Variants in PPP3CA observed in about 807,000 individuals in gnomAD.
The protein encoded by PPP3CA is protein phosphatase 3 catalytic subunit alpha.
A neutral mutation model predicts 66.5 loss-of-function variants in PPP3CA; 14 were observed. That is an observed-to-expected ratio of 0.21 (90% CI 0.14 to 0.33). The LOEUF is 0.33. Ranked by LOEUF, PPP3CA falls within the 10% of genes least tolerant of loss-of-function variation. The pLI is 1.00. For synonymous variants in PPP3CA, 232 were observed against 226.2 expected (o/e 1.03, Z -0.23); for missense variants, 317 against 639.5 (o/e 0.50, Z 5.44).
chr4:101,272,204 C>T (rs1258993251), intron 1 of PPP3CA, among the ~76,000 whole-genome samples: 1 of 152,172 alleles, frequency 6.6e-6, no homozygotes, highest in African/African-American at 2.4e-5. Flanking sequence ...CTACATACCA[C>T]TTATTGAATG....
intron 1 of PPP3CA, among the ~76,000 whole-genome samples, chr4:101,213,942 T>C (rs1234778592): frequency 6.6e-6 from 1 of 152,112 alleles, no homozygotes; most frequent in African/African-American, 2.4e-5. Context: ...AATAAAATCT[T>C]TGGTTTTTGA....
chr4:101,190,537 C>G (rs114157735), intron 2 of PPP3CA, among the ~76,000 whole-genome samples: 290 of 152,266 alleles, frequency 1.9e-3, no homozygotes, highest in East Asian at 0.014. Flanking sequence ...CTGATTCGTA[C>G]ACACAAATAC....
chr4:101,244,087 T>C (rs1264112337), intron 1 of PPP3CA, among the ~76,000 whole-genome samples: 3 of 152,214 alleles, frequency 2.0e-5, no homozygotes, highest in Non-Finnish European at 4.4e-5. Flanking sequence ...GGAAAGATCA[T>C]ATCTTCCAAA....
intron 5 of PPP3CA, among the ~76,000 whole-genome samples, chr4:101,094,403 T>A (rs187504525): frequency 1.3e-5 from 2 of 152,238 alleles, no homozygotes; most frequent in Non-Finnish European, 2.9e-5. Flanking sequence ...CTAGTTTTCA[T>A]GCTTATGTTA....
At chr4:101,304,564 T>C (rs774503231) in intron 1 of PPP3CA, among the ~76,000 whole-genome samples, 3 of 152,242 alleles carry the variant, frequency 2.0e-5, no homozygotes, top group Non-Finnish European at 2.9e-5. Context: ...ATCTGAATGT[T>C]ATGTAAAGTG....
At chr4:101,245,088 A>G (rs949977461) in intron 1 of PPP3CA, among the ~76,000 whole-genome samples, 1 of 152,184 alleles carries the variant, frequency 6.6e-6, no homozygotes, top group African/African-American at 2.4e-5. Flanking sequence ...TAGTCCGAAT[A>G]GATTTTTTTT....
intron 1 of PPP3CA, among the ~76,000 whole-genome samples, chr4:101,304,823 G>A (rs1728484694): frequency 6.6e-6 from 1 of 152,108 alleles, no homozygotes; most frequent in Non-Finnish European, 1.5e-5. Flanking sequence ...TCTTAAAGAA[G>A]AAAACAAATT....
chr4:101,247,556 G>A (rs1408101369), intron 1 of PPP3CA, among the ~76,000 whole-genome samples: 3 of 152,024 alleles, frequency 2.0e-5, no homozygotes, highest in Non-Finnish European at 1.5e-5. Context: ...CACAGTATGA[G>A]CATCATTTCT....
intron 1 of PPP3CA, among the ~76,000 whole-genome samples, chr4:101,213,944 G>GT (rs1725381676): frequency 6.6e-6 from 1 of 152,050 alleles, no homozygotes; most frequent in African/African-American, 2.4e-5. Context: ...TAAAATCTTT[G>GT]GTTTTTGACA....
At chr4:101,125,946 T>C (rs185635620) in intron 2 of PPP3CA, among the ~76,000 whole-genome samples, 3 of 152,354 alleles carry the variant, frequency 2.0e-5, no homozygotes, top group African/African-American at 7.2e-5. Flanking sequence ...GGAACTTGCT[T>C]TCTTTTCATG....
chr4:101,253,189 G>A (rs1278019299), intron 1 of PPP3CA, among the ~76,000 whole-genome samples: 1 of 152,190 alleles, frequency 6.6e-6, no homozygotes. Flanking sequence ...AGTTATTCAT[G>A]TTTAAATACA....
At chr4:101,173,216 G>A (rs1723940952) in intron 2 of PPP3CA, among the ~76,000 whole-genome samples, 1 of 152,102 alleles carries the variant, frequency 6.6e-6, no homozygotes, top group Non-Finnish European at 1.5e-5. Context: ...GAGGGGGTGA[G>A]GGGTGTAAGT....
intron 2 of PPP3CA, among the ~76,000 whole-genome samples, chr4:101,113,377 C>T (rs868788100): frequency 1.3e-5 from 2 of 152,154 alleles, no homozygotes; most frequent in Non-Finnish European, 2.9e-5. Flanking sequence ...ATTCTGTGTA[C>T]TAGTATGGTC....
intron 1 of PPP3CA, among the ~76,000 whole-genome samples, chr4:101,281,732 C>G (rs1727691152): frequency 6.6e-6 from 1 of 152,158 alleles, no homozygotes; most frequent in South Asian, 2.1e-4. Context: ...AGTGGTTAAA[C>G]AGCATTCAAC....
chr4:101,189,358 C>T (rs1224883735), intron 2 of PPP3CA, among the ~76,000 whole-genome samples: 2 of 151,968 alleles, frequency 1.3e-5, no homozygotes, highest in African/African-American at 4.8e-5. Context: ...AGATGTTCAA[C>T]ATTTAGTAGG....
intron 4 of PPP3CA, among the ~76,000 whole-genome samples, chr4:101,099,016 G>T (rs1414158008): frequency 6.6e-6 from 1 of 152,024 alleles, no homozygotes; most frequent in Non-Finnish European, 1.5e-5. Flanking sequence ...AAATGAAAGA[G>T]AAAAATATTG....
intron 2 of PPP3CA, among the ~76,000 whole-genome samples, chr4:101,187,359 G>A (rs1184007956): frequency 2.6e-5 from 4 of 152,018 alleles, no homozygotes; most frequent in South Asian, 2.1e-4. Flanking sequence ...TTGCCACCAC[G>A]TCCTTAATAA....
Position 101,039,437 on chromosome 4 carries a change from G to A in PPP3CA, c.1241+1045C>T, listed in dbSNP as rs555882330. Among the ~76,000 whole-genome samples, 12 of 144,952 alleles carry A rather than the reference G, an allele frequency of 8.3e-5. 2 individuals carry two copies. The highest frequency in any genetic ancestry group is 2.8e-4 in the Admixed American group (4 of 14,432). On this transcript the variant is annotated intron_variant, in intron 11 of 13. Coordinates refer to ENST00000394854, the MANE Select transcript of PPP3CA (RefSeq NM_000944.5). ...AAGCCCTGAAAATGTAGTTGGAAACGTACAGCAATAGAGCAAAGGTAGCCT... is the reference window on the plus strand; with the variant it reads ...AAGCCCTGAAAATGTAGTTGGAAACATACAGCAATAGAGCAAAGGTAGCCT...
At chr4:101,088,406 A>T (rs555835164) in intron 6 of PPP3CA, among the ~76,000 whole-genome samples, 106 of 152,056 alleles carry the variant, frequency 7.0e-4, no homozygotes, top group Non-Finnish European at 1.2e-3. Flanking sequence ...TAACACAGTG[A>T]AACCCTGTCT....
Sources: gnomAD v4.1 joint callset for allele counts (sites outside exome capture counted in the v4.1 genomes callset) on GRCh38, gnomAD v4.1.1 for gene constraint, MANE v1.5 for transcripts, NCBI Gene and HGNC (gene_info 2026-07-23, HGNC 2026-07-21) for gene names.